SGCD: variants seen among roughly 807,000 people sequenced by gnomAD.
SGCD encodes sarcoglycan delta, also known as delta-sarcoglycan.
In SGCD, 18 loss-of-function variants were observed where a neutral mutation model predicts 36.6. That is an observed-to-expected ratio of 0.49 (90% confidence interval 0.34 to 0.73). SGCD has a LOEUF of 0.73. Ranked by LOEUF, SGCD falls within the 30% of genes least tolerant of loss-of-function variation. SGCD has a pLI of 0.01. For missense variants in SGCD, 387 were observed against 346.7 expected (o/e 1.12, Z -0.92); for synonymous variants, 133 against 130.6 (o/e 1.02, Z -0.12).
At chr5:155,821,834 A>T in the SGCD span, among the ~76,000 whole-genome samples, 1 of 152,224 alleles carries the variant, frequency 6.6e-6, no homozygotes, top group East Asian at 1.9e-4. Context: ...TATTTATAAA[A>T]TATGTGAACT....
At chr5:156,608,284 C>T (rs1297645444) in intron 6 of SGCD, among the ~76,000 whole-genome samples, 1 of 152,154 alleles carries the variant, frequency 6.6e-6, no homozygotes, top group African/African-American at 2.4e-5. Flanking sequence ...TTTATTTCTG[C>T]CTTCATTTCG....
chr5:155,876,195 C>T (rs1580965453), intron 1 of SGCD, among the ~76,000 whole-genome samples: 1 of 109,398 alleles, frequency 9.1e-6, no homozygotes, highest in South Asian at 3.9e-4. Context: ...GCTATCCCTC[C>T]CCCCTCCCCC....
chr5:156,537,231 C>T (rs1457438192), intron 4 of SGCD, among the ~76,000 whole-genome samples: 3 of 152,068 alleles, frequency 2.0e-5, no homozygotes, highest in Non-Finnish European at 4.4e-5. Flanking sequence ...AGTGCTCTCT[C>T]CCCCTTGGCA....
At chr5:156,199,329 C>A (rs4704992) in intron 3 of SGCD, among the ~76,000 whole-genome samples, 46,787 of 151,832 alleles carry the variant, frequency 0.31, 7,644 homozygotes, top group East Asian at 0.59. Flanking sequence ...GGCCCCAAAT[C>A]AGGCATCTGA....
chr5:155,774,789 T>C, the SGCD span, among the ~76,000 whole-genome samples: 1 of 152,128 alleles, frequency 6.6e-6, no homozygotes, highest in Non-Finnish European at 1.5e-5. Context: ...TGATCATATC[T>C]GCAAAGTCCC....
chr5:156,618,818 G>A (rs1166124289), intron 6 of SGCD, among the ~76,000 whole-genome samples: 3 of 151,984 alleles, frequency 2.0e-5, no homozygotes, highest in Admixed American at 1.3e-4. Flanking sequence ...TATGAGCATC[G>A]TAGATTTATG....
intron 6 of SGCD, among the ~76,000 whole-genome samples, chr5:156,613,855 G>C (rs1761923595): frequency 6.6e-6 from 1 of 152,206 alleles, no homozygotes; most frequent in South Asian, 2.1e-4. Flanking sequence ...TATGTTGAGT[G>C]CTTACTCTCT....
intron 1 of SGCD, among the ~76,000 whole-genome samples, chr5:155,998,228 TTAAAA>T (rs1758595506): frequency 1.3e-5 from 2 of 152,330 alleles, no homozygotes; most frequent in East Asian, 1.9e-4. Flanking sequence ...TTCTTCCATC[TTAAAA>T]TAATAATAGG....
In SGCD at chr5:156,763,796, A is replaced by T; in HGVS notation, c.*4406A>T. The T allele has an allele frequency of 6.6e-6, 1 of 152,004 alleles. No homozygotes were observed. Among genetic ancestry groups the T allele is most frequent in the Non-Finnish European group, 1.5e-5 (1 of 68,014 alleles). 9.4% of individuals were successfully genotyped at this position (152,004 alleles called of 1,614,324 possible). The stretch of plus-strand genomic sequence containing the variant: ...GTGGGGAGGAAGGAATTTTTTTTAA[A>T]TGTAAATGACCCCCATTTACCAGAC... On this transcript the variant is annotated 3_prime_UTR_variant, in exon 9 of 9. Coordinates refer to ENST00000337851, the MANE Select transcript of SGCD (RefSeq NM_000337.6).
At chr5:156,296,095 T>C (rs1561605758) in intron 3 of SGCD, among the ~76,000 whole-genome samples, 1 of 152,112 alleles carries the variant, frequency 6.6e-6, no homozygotes, top group Non-Finnish European at 1.5e-5. Flanking sequence ...GGCATACTAA[T>C]TGGTGGTTTT....
At chr5:156,351,218 A>G (rs563980582) in intron 3 of SGCD, among the ~76,000 whole-genome samples, 47 of 152,304 alleles carry the variant, frequency 3.1e-4, no homozygotes, top group Admixed American at 1.5e-3. Flanking sequence ...TTGATGTGTT[A>G]ACATAAGCAT....
chr5:156,272,381 C>T (rs991699695), intron 3 of SGCD, among the ~76,000 whole-genome samples: 5 of 152,166 alleles, frequency 3.3e-5, no homozygotes, highest in South Asian at 2.1e-4. Flanking sequence ...AGAAATATTC[C>T]GTGGTGTATA....
At chr5:156,332,546 A>G (rs772016016) in intron 2 of SGCD, among the ~76,000 whole-genome samples, 3 of 152,210 alleles carry the variant, frequency 2.0e-5, no homozygotes, top group Non-Finnish European at 4.4e-5. Flanking sequence ...TTGAGTGACC[A>G]TGTTCTCTGT....
At chr5:156,596,779 G>T (rs1361985607) in intron 6 of SGCD, among the ~76,000 whole-genome samples, 1 of 151,906 alleles carries the variant, frequency 6.6e-6, no homozygotes, top group Non-Finnish European at 1.5e-5. Flanking sequence ...TGGATATTCT[G>T]CCAGCCTCTC....
At chr5:155,820,588 T>C in the SGCD span, among the ~76,000 whole-genome samples, 2 of 152,130 alleles carry the variant, frequency 1.3e-5, no homozygotes, top group African/African-American at 4.8e-5. Context: ...TTCCAGCTAC[T>C]TGTGAGGCTG....
chr5:155,945,486 A>G (rs778932960), intron 1 of SGCD, among the ~76,000 whole-genome samples: 57 of 152,228 alleles, frequency 3.7e-4, no homozygotes, highest in Non-Finnish European at 5.9e-4. Context: ...ACATCACACC[A>G]ACATGCAACT....
intron 4 of SGCD, among the ~76,000 whole-genome samples, chr5:156,575,337 A>G (rs549632816): frequency 1.6e-4 from 24 of 152,276 alleles, no homozygotes; most frequent in African/African-American, 5.5e-4. Context: ...CTCCCTATCT[A>G]TGAAGAATTC....
At chr5:156,314,818 C>T (rs981038452) in intron 3 of SGCD, among the ~76,000 whole-genome samples, 7 of 151,970 alleles carry the variant, frequency 4.6e-5, no homozygotes, top group African/African-American at 1.7e-4. Context: ...AGCAGTTATA[C>T]AGGAGGCATA....
chr5:156,042,740 C>T (rs1025061254), intron 1 of SGCD, among the ~76,000 whole-genome samples: 1 of 152,162 alleles, frequency 6.6e-6, no homozygotes, highest in Non-Finnish European at 1.5e-5. Flanking sequence ...GTCAGATATG[C>T]AGAAACCTGA....
Sources: gnomAD v4.1 joint callset for allele counts (sites outside exome capture counted in the v4.1 genomes callset) on GRCh38, gnomAD v4.1.1 for gene constraint, MANE v1.5 for transcripts, NCBI Gene and HGNC (gene_info 2026-07-23, HGNC 2026-07-21) for gene names.